Variants in PHC2 observed in about 807,000 individuals in gnomAD.
PHC2 encodes the protein polyhomeotic-like protein 2.
PHC2 carries 29 observed loss-of-function variants against 87.4 expected under a neutral mutation model. The observed-to-expected ratio is 0.33, with a 90% confidence interval of 0.25 to 0.45. The LOEUF is 0.45. Among genes scored for constraint, PHC2 ranks in the 20% least tolerant of loss-of-function variants. PHC2 has a pLI of 1.00. For missense variants in PHC2, 857 were observed against 1,136.7 expected, an observed-to-expected ratio of 0.75 and a Z score of 3.54; for synonymous variants, 438 against 461.7, an observed-to-expected ratio of 0.95 and a Z score of 0.66.
chr1:33,383,919 C>A (rs2148350813), intron 1 of PHC2, among the ~76,000 whole-genome samples: 1 of 152,248 alleles, frequency 6.6e-6, no homozygotes, highest in East Asian at 1.9e-4. Flanking sequence ...GAGCATGGCC[C>A]TGCCGACACC....
At chr1:33,393,420 A>C (rs1015785804) in intron 1 of PHC2, among the ~76,000 whole-genome samples, 8 of 151,764 alleles carry the variant, frequency 5.3e-5, no homozygotes, top group African/African-American at 1.7e-4. Flanking sequence ...GGTTGAACAA[A>C]ACAATGAGAG....
intron 1 of PHC2, 31 bp from the exon 2 acceptor site, chr1:33,375,624 TGACA>T: frequency 7.6e-7 from 1 of 1,310,070 alleles, no homozygotes; most frequent in Non-Finnish European, 1.0e-6. Flanking sequence ...GTGAATGTTT[TGACA>T]GACGCTTACT....
At chr1:33,347,869 G>A (rs1007715799) in intron 9 of PHC2, 1 of 280,218 alleles carries the variant, frequency 3.6e-6, no homozygotes. Flanking sequence ...CCAAGCCAGA[G>A]GCCCCAGTTC....
rs1647687578 is a variant in PHC2 at position 33,369,439 on chromosome 1, C to T, written c.577-817G>A. 6.6e-6 allele frequency among the ~76,000 whole-genome samples: 1 copy of T among 152,204 alleles called. No homozygotes were observed. The highest frequency in any genetic ancestry group is 2.4e-5 in the African/African-American group (1 of 41,440). On this transcript the variant is annotated intron_variant, in intron 5 of 14. Transcript: ENST00000683057. The surrounding 1 kb of genome is among the most constrained non-coding windows in gnomAD (Gnocchi z 4.7). ...ACCCCAGTGGAGTAGGACATAGGGA[C>T]AAGCAACCTGCAGACACAGTCAGCT...
At chr1:33,367,610 G>A (rs190223154) in intron 6 of PHC2, among the ~76,000 whole-genome samples, 182 bp from the exon 7 acceptor site, 12,107 of 152,184 alleles carry the variant, frequency 0.08, 658 homozygotes, top group Non-Finnish European at 0.12. Flanking sequence ...TTGCTAAAGA[G>A]GGCCAGAGGG....
At chr1:33,411,686 G>A (rs1220769953) in intron 1 of PHC2, among the ~76,000 whole-genome samples, 5 of 151,982 alleles carry the variant, frequency 3.3e-5, no homozygotes, top group Admixed American at 1.3e-4. Context: ...TCAGCCTCCC[G>A]AGTAGCTGGG....
intron 1 of PHC2, among the ~76,000 whole-genome samples, chr1:33,417,279 A>C (rs1650250367): frequency 6.6e-6 from 1 of 152,154 alleles, no homozygotes; most frequent in South Asian, 2.1e-4. Flanking sequence ...ATGTCAATTC[A>C]AGGCCAGCTA....
Position 33,354,428 on chromosome 1 carries a change from G to A in PHC2, c.1531C>T (p.Pro511Ser). The change falls in exon 9 of 15, where the codon CCT becomes TCT. Residue 511 changes from proline to serine, a missense_variant. Around this residue, in one of 3 missense-constraint regions of PHC2, gnomAD observed 832 missense variants for 1,081.8 expected, o/e 0.77. Transcript: ENST00000683057. The part of the protein sequence containing the change: ...MPGGLPVPTS[P>S]NIQPSPAHET... Reference sequence around the variant, plus strand: ...TGAGCTGGGGACGGCTGGATGTTAGGGCTCGTGGGTACAGGCAGGCCACCA... The same window carrying A: ...TGAGCTGGGGACGGCTGGATGTTAGAGCTCGTGGGTACAGGCAGGCCACCA... 6.2e-7 allele frequency: 1 copy of A among 1,613,854 alleles called. No homozygotes were observed. Among genetic ancestry groups the A allele is most frequent in the South Asian group, 1.1e-5 (1 of 91,056 alleles).
In PHC2 at chr1:33,355,139, T is replaced by C; in HGVS notation, c.1091A>G (p.Gln364Arg). 1 of 1,611,566 alleles carries C rather than the reference T, an allele frequency of 6.2e-7. No individual in the cohort carries two copies. Among genetic ancestry groups the C allele is most frequent in the Non-Finnish European group, 8.5e-7 (1 of 1,179,136 alleles). The change falls in exon 8 of 15, where the codon CAG becomes CGG. Residue 364 changes from glutamine to arginine, a missense_variant. Coordinates refer to ENST00000683057, the MANE Select transcript of PHC2 (RefSeq NM_001385109.1). ...AGCTTGGAGCACAGGCCGTGACTGC[T>C]GGGGCGGCGGCTGCTGCTGTTGTGG... ...PQPQQQQPPP[Q>R]QSRPVLQAEP...
chr1:33,416,153 C>T (rs1187189276), intron 1 of PHC2, among the ~76,000 whole-genome samples: 1 of 151,996 alleles, frequency 6.6e-6, no homozygotes, highest in Non-Finnish European at 1.5e-5. Flanking sequence ...TCCATAAATC[C>T]AAGCATAATA....
In PHC2 at chr1:33,331,414, C is replaced by T; in HGVS notation, c.1940G>A (p.Gly647Asp). ...APLKLKCELC[G>D]RVDFAYKFKR... ...GAACTTATAGGCAAAGTCCACCCGG[C>T]CACAGAGCTCACACTTGAGTTTGAG... is the stretch of plus-strand genomic sequence containing the variant. Residue 647 changes from glycine (G) to aspartate (D), a missense_variant, in exon 12 of 15, where the codon GGC becomes GAC. This residue lies in a region of PHC2 where 832 missense variants were observed against 1,081.8 expected (regional missense o/e 0.77). Coordinates refer to ENST00000683057, the MANE Select transcript of PHC2 (RefSeq NM_001385109.1). This position sits in a 1 kb window ranked among gnomAD's most constrained non-coding sequence, Gnocchi z 5.2. The T allele has an allele frequency of 1.2e-6, 2 of 1,613,080 alleles. No homozygotes were observed. Among genetic ancestry groups the T allele is most frequent in the South Asian group, 1.1e-5 (1 of 91,044 alleles).
chr1:33,373,556 T>C (rs1647987740), intron 2 of PHC2, among the ~76,000 whole-genome samples: 2 of 152,080 alleles, frequency 1.3e-5, no homozygotes, highest in South Asian at 4.1e-4. Flanking sequence ...CAAAAGGCTG[T>C]CCTTTGATCC....
chr1:33,413,018 G>A (rs1650047008), intron 1 of PHC2, among the ~76,000 whole-genome samples: 2 of 152,144 alleles, frequency 1.3e-5, no homozygotes, highest in African/African-American at 4.8e-5. Context: ...CCAGGCTGGA[G>A]TGCAGTGGCA....
At chr1:33,418,789 G>A (rs1379525837) in intron 1 of PHC2, among the ~76,000 whole-genome samples, 2 of 152,136 alleles carry the variant, frequency 1.3e-5, no homozygotes, top group African/African-American at 2.4e-5. Flanking sequence ...ATATTTAGAA[G>A]AGAAAAAATA....
chr1:33,384,521 T>C (rs1412639489), intron 1 of PHC2, among the ~76,000 whole-genome samples: 1 of 152,154 alleles, frequency 6.6e-6, no homozygotes, highest in African/African-American at 2.4e-5. Context: ...TGTTTAGGGA[T>C]CTTCCTGTTT....
intron 1 of PHC2, among the ~76,000 whole-genome samples, chr1:33,388,987 G>A (rs1025582022): frequency 2.7e-5 from 4 of 150,366 alleles, no homozygotes; most frequent in African/African-American, 9.8e-5. Context: ...TACACTCTTA[G>A]TCCTGGCTTG....
intron 1 of PHC2, among the ~76,000 whole-genome samples, chr1:33,402,651 G>C (rs185311223): frequency 1.3e-5 from 2 of 152,164 alleles, no homozygotes; most frequent in African/African-American, 4.8e-5. Flanking sequence ...TATCAACACA[G>C]ACAAATCTCA....
chr1:33,386,773 GCA>G (rs1648776622), intron 1 of PHC2, among the ~76,000 whole-genome samples: 2 of 152,108 alleles, frequency 1.3e-5, no homozygotes, highest in East Asian at 3.9e-4. Flanking sequence ...AAAGCACACA[GCA>G]CACAGTGCGC....
chr1:33,402,079 C>T (rs1649559912), intron 1 of PHC2, among the ~76,000 whole-genome samples: 1 of 151,988 alleles, frequency 6.6e-6, no homozygotes, highest in African/African-American at 2.4e-5. Context: ...AGAGAATTTG[C>T]ATCAAAAATA....
Sources: allele counts gnomAD v4.1 joint callset (sites outside exome capture counted in the v4.1 genomes callset), GRCh38; gene constraint gnomAD v4.1.1; regional missense constraint gnomAD v4.1.1; non-coding constraint Gnocchi (gnomAD v3.1); transcripts MANE v1.5; gene names NCBI Gene and HGNC (gene_info 2026-07-23, HGNC 2026-07-21).